TAB2: variants seen among roughly 807,000 people sequenced by gnomAD.
TAB2 encodes TGF-beta-activated kinase 1 and MAP3K7-binding protein 2.
TAB2 carries 3 observed loss-of-function variants against 65.0 expected under a neutral mutation model. The ratio of observed to expected loss-of-function variants is 0.05; its 90% CI spans 0.02 to 0.12. The LOEUF is 0.12. Among genes scored for constraint, TAB2 ranks in the 10% least tolerant of loss-of-function variants. The probability of loss-of-function intolerance (pLI) is 1.00; values close to 1 mark genes in which losing one functional copy is unlikely to be tolerated. For missense variants in TAB2, 623 were observed against 840.3 expected (o/e 0.74, Z 3.20); for synonymous variants, 298 against 285.1 (o/e 1.05, Z -0.46).
At chr6:149,327,911 G>A (rs1211107451) in intron 1 of TAB2, among the ~76,000 whole-genome samples, 1 of 152,136 alleles carries the variant, frequency 6.6e-6, no homozygotes, top group East Asian at 1.9e-4. Flanking sequence ...TAATTGTTTG[G>A]CCTGCATGAG....
intron 1 of TAB2, among the ~76,000 whole-genome samples, chr6:149,290,672 C>T (rs9498295): frequency 0.042 from 6,320 of 152,046 alleles, 410 homozygotes; most frequent in African/African-American, 0.14. Context: ...GGCAAGATCC[C>T]GTCTCTACTA....
At chr6:149,313,581 T>C (rs1583079352), upstream of TAB2, among the ~76,000 whole-genome samples, 1 of 152,256 alleles carries the variant, frequency 6.6e-6, no homozygotes, top group South Asian at 2.1e-4. Flanking sequence ...TGTTTTCACC[T>C]GCTGGTCATA....
intron 1 of TAB2, among the ~76,000 whole-genome samples, chr6:149,224,792 A>G (rs987146276): frequency 1.3e-5 from 2 of 152,228 alleles, no homozygotes; most frequent in Non-Finnish European, 2.9e-5. Flanking sequence ...ATGCCATCCT[A>G]CATACCTTTA....
At position 149,379,495 on chromosome 6, in the gene TAB2, C is replaced by T. The variant is rs371381823; in HGVS notation, c.1580C>T (p.Ser527Phe). 30 of 1,613,962 alleles carry T rather than the reference C, an allele frequency of 1.9e-5. No homozygotes were observed. Among genetic ancestry groups the T allele is most frequent in the Non-Finnish European group, 2.5e-5 (30 of 1,180,026 alleles). The change falls in exon 3 of 7, where the codon TCT becomes TTT. Residue 527 changes from serine to phenylalanine, a missense_variant. This residue lies in a region of TAB2 where 550 missense variants were observed against 665.7 expected (regional missense o/e 0.83). Coordinates refer to ENST00000637181, the MANE Select transcript of TAB2 (RefSeq NM_001292034.3). ...ISETRKLSMG[S>F]DDAAYTQALL... ...GAAACACGGAAACTGAGTATGGGAT[C>T]TGATGATGCTGCCTACACACAAGGT...
At chr6:149,284,882 C>T (rs988750642) in intron 1 of TAB2, among the ~76,000 whole-genome samples, 2 of 152,080 alleles carry the variant, frequency 1.3e-5, no homozygotes, top group Non-Finnish European at 2.9e-5. Flanking sequence ...TGTCACTCTC[C>T]CTTTGGTGTG....
intron 2 of TAB2, chr6:149,372,278 C>G (rs1247637635): frequency 6.6e-6 from 1 of 151,974 alleles, no homozygotes; most frequent in Non-Finnish European, 1.5e-5. Flanking sequence ...ATAGACAGAG[C>G]AAGACAAATA....
chr6:149,373,085 CT>C (rs1781283079), intron 2 of TAB2, among the ~76,000 whole-genome samples: 1 of 152,162 alleles, frequency 6.6e-6, no homozygotes, highest in African/African-American at 2.4e-5. Context: ...ACAGTTCCCT[CT>C]TTTTGGAACT....
upstream of TAB2, among the ~76,000 whole-genome samples, chr6:149,315,013 CAA>C (rs933965150): frequency 7.2e-5 from 11 of 152,136 alleles, no homozygotes; most frequent in East Asian, 1.7e-3. Context: ...ACCAAATACA[CAA>C]AGACTCCTAA....
chr6:149,242,684 G>T (rs1777625710), intron 1 of TAB2, among the ~76,000 whole-genome samples: 1 of 152,168 alleles, frequency 6.6e-6, no homozygotes, highest in Non-Finnish European at 1.5e-5. Flanking sequence ...CAGCCCCAAA[G>T]TCTATGAATC....
intron 1 of TAB2, among the ~76,000 whole-genome samples, chr6:149,249,559 CCT>C (rs943002457): frequency 6.7e-6 from 1 of 149,928 alleles, no homozygotes; most frequent in African/African-American, 2.5e-5. Flanking sequence ...TCTCTGTCTC[CCT>C]CTCTTTCTGT....
chr6:149,301,332 G>T (rs1447162522), intron 1 of TAB2, among the ~76,000 whole-genome samples: 1 of 152,232 alleles, frequency 6.6e-6, no homozygotes, highest in African/African-American at 2.4e-5. Flanking sequence ...AAGTTGGAAA[G>T]CCTGCCAGTT....
intron 1 of TAB2, among the ~76,000 whole-genome samples, chr6:149,346,283 C>CACCCCT (rs774593517): frequency 5.9e-5 from 9 of 152,100 alleles, no homozygotes; most frequent in Non-Finnish European, 1.0e-4. Context: ...CACACACACA[C>CACCCCT]ACCCCTCTCC....
intron 1 of TAB2, among the ~76,000 whole-genome samples, chr6:149,329,688 G>A (rs1319023773): frequency 6.6e-6 from 1 of 151,060 alleles, no homozygotes; most frequent in Non-Finnish European, 1.5e-5. Flanking sequence ...GTTGGGGGGT[G>A]GAAGTAGGGT....
intron 1 of TAB2, among the ~76,000 whole-genome samples, chr6:149,240,752 C>T (rs6937702): frequency 1.3e-5 from 2 of 151,888 alleles, no homozygotes; most frequent in Admixed American, 1.3e-4. Context: ...TTTGGGCTAA[C>T]ATAAAGTCAA....
At chr6:149,238,194 C>A (rs1777535387) in intron 1 of TAB2, among the ~76,000 whole-genome samples, 1 of 152,130 alleles carries the variant, frequency 6.6e-6, no homozygotes. Flanking sequence ...TCTGCGTGTC[C>A]AGTGAAATAA....
intron 1 of TAB2, among the ~76,000 whole-genome samples, chr6:149,338,611 A>G (rs926555023): frequency 1.3e-5 from 2 of 152,258 alleles, no homozygotes; most frequent in Non-Finnish European, 1.5e-5. Flanking sequence ...TTTGCTTCAC[A>G]TGAAAGCTTG....
At chr6:149,364,701 T>C (rs1225267253) in intron 1 of TAB2, among the ~76,000 whole-genome samples, 1 of 149,188 alleles carries the variant, frequency 6.7e-6, no homozygotes, top group Non-Finnish European at 1.5e-5. Context: ...TAAATACTCT[T>C]ATCTAGTTGC....
At chr6:149,293,230 GA>G (rs540645809) in intron 1 of TAB2, among the ~76,000 whole-genome samples, 2 of 152,000 alleles carry the variant, frequency 1.3e-5, no homozygotes, top group Non-Finnish European at 2.9e-5. Flanking sequence ...ATTTCATTTA[GA>G]AAAAAATCAT....
At chr6:149,366,413 G>T (rs902456939) in intron 1 of TAB2, among the ~76,000 whole-genome samples, 2 of 152,014 alleles carry the variant, frequency 1.3e-5, no homozygotes, top group Non-Finnish European at 2.9e-5. Context: ...CCTCTCTGTG[G>T]TTCTCTCCTT....
Sources: allele counts gnomAD v4.1 joint callset (sites outside exome capture counted in the v4.1 genomes callset), GRCh38; gene constraint gnomAD v4.1.1; regional missense constraint gnomAD v4.1.1; transcripts MANE v1.5; gene names NCBI Gene and HGNC (gene_info 2026-07-23, HGNC 2026-07-21).